PTGER4: variants seen among roughly 807,000 people sequenced by gnomAD.
PTGER4 encodes the protein prostaglandin E2 receptor EP4 subtype.
A neutral mutation model predicts 33.2 loss-of-function variants in PTGER4; 11 were observed. The ratio of observed to expected loss-of-function variants is 0.33; its 90% CI spans 0.21 to 0.55. The LOEUF is 0.55. Ranked by LOEUF, PTGER4 falls within the 20% of genes least tolerant of loss-of-function variation. The pLI is 0.92. For missense variants in PTGER4, 481 were observed against 650.2 expected (o/e 0.74, Z 2.83); for synonymous variants, 275 against 281.5 (o/e 0.98, Z 0.23).
At chr5:40,687,882 G>C (rs1741367809) in intron 2 of PTGER4, among the ~76,000 whole-genome samples, 1 of 152,132 alleles carries the variant, frequency 6.6e-6, no homozygotes, top group Non-Finnish European at 1.5e-5. Context: ...CTTTAAAATA[G>C]AGCATACTTT....
At chr5:40,698,797 G>T in the PTGER4 span, among the ~76,000 whole-genome samples, 1 of 152,102 alleles carries the variant, frequency 6.6e-6, no homozygotes, top group Non-Finnish European at 1.5e-5. Context: ...TATATAAACG[G>T]CCTTTACTCT....
the PTGER4 span, among the ~76,000 whole-genome samples, chr5:40,707,736 C>T: frequency 6.6e-6 from 1 of 152,210 alleles, no homozygotes; most frequent in South Asian, 2.1e-4. Flanking sequence ...ACATTATTCT[C>T]AGCACCACAC....
chr5:40,711,578 G>GT, the PTGER4 span, among the ~76,000 whole-genome samples: 2 of 152,010 alleles, frequency 1.3e-5, no homozygotes, highest in Non-Finnish European at 2.9e-5. Context: ...ACATAGAATT[G>GT]TGATTTATAT....
the PTGER4 span, chr5:40,714,395 T>G: frequency 1.3e-5 from 2 of 152,168 alleles, no homozygotes; most frequent in Non-Finnish European, 2.9e-5. Flanking sequence ...ATATATTAAG[T>G]TCATATAAGA....
the PTGER4 span, among the ~76,000 whole-genome samples, chr5:40,732,119 C>T: frequency 6.6e-6 from 1 of 152,138 alleles, no homozygotes; most frequent in African/African-American, 2.4e-5. Context: ...TCAAGGGCCT[C>T]CCACCTCAGC....
At chr5:40,738,444 AAATACAATACAATAC>A in the PTGER4 span, among the ~76,000 whole-genome samples, 270 of 83,624 alleles carry the variant, frequency 3.2e-3, 1 homozygote, top group Middle Eastern at 6.1e-3. Flanking sequence ...ATATAAAATA[AAATACAATACAATAC>A]AATACAATAC....
the PTGER4 span, among the ~76,000 whole-genome samples, chr5:40,702,574 A>G: frequency 4.6e-5 from 7 of 152,222 alleles, no homozygotes; most frequent in South Asian, 6.2e-4. Flanking sequence ...GAGAGACTTC[A>G]ACACACCACT....
At chr5:40,720,447 A>T in the PTGER4 span, among the ~76,000 whole-genome samples, 1 of 152,198 alleles carries the variant, frequency 6.6e-6, no homozygotes, top group Non-Finnish European at 1.5e-5. Context: ...TTGATTACTA[A>T]TGCTTTCATA....
downstream of PTGER4, among the ~76,000 whole-genome samples, chr5:40,695,271 G>A (rs1032909569): frequency 5.9e-5 from 9 of 152,070 alleles, no homozygotes; most frequent in Admixed American, 1.3e-4. Flanking sequence ...TTGGCCAGGC[G>A]TGGTGGCTTA....
At chr5:40,702,277 A>T in the PTGER4 span, among the ~76,000 whole-genome samples, 1 of 152,178 alleles carries the variant, frequency 6.6e-6, no homozygotes, top group Admixed American at 6.5e-5. Context: ...TCTTCAAGAG[A>T]CCCATCTCAC....
the PTGER4 span, among the ~76,000 whole-genome samples, chr5:40,721,180 G>C: frequency 6.6e-6 from 1 of 152,214 alleles, no homozygotes; most frequent in Non-Finnish European, 1.5e-5. Flanking sequence ...CTGTAGTGGA[G>C]TACTGATGGA....
At chr5:40,698,596 A>G (rs974969983), downstream of PTGER4, among the ~76,000 whole-genome samples, 2 of 152,186 alleles carry the variant, frequency 1.3e-5, no homozygotes, top group African/African-American at 4.8e-5. Flanking sequence ...TGAAAAGTGA[A>G]CTAAAGTTCA....
downstream of PTGER4, among the ~76,000 whole-genome samples, chr5:40,694,196 G>A (rs45502797): frequency 1.2e-4 from 18 of 152,134 alleles, no homozygotes; most frequent in Admixed American, 2.0e-4. Context: ...GATTACAGGC[G>A]TGTACCACCA....
At chr5:40,703,239 T>C in the PTGER4 span, among the ~76,000 whole-genome samples, 1 of 147,212 alleles carries the variant, frequency 6.8e-6, no homozygotes, top group Non-Finnish European at 1.5e-5. Context: ...AAAAAATTAA[T>C]AAAACAGGCC....
chr5:40,691,517 T>C lies in PTGER4; in HGVS notation c.868-262T>C, dbSNP rs1741471240. Among the ~76,000 whole-genome samples the C allele has an allele frequency of 6.6e-6, 1 of 152,122 alleles. No homozygotes were observed. On this transcript the variant is annotated intron_variant, in intron 2 of 2. Coordinates refer to ENST00000302472, the MANE Select transcript of PTGER4 (RefSeq NM_000958.3). This position sits in a 1 kb window ranked among gnomAD's most constrained non-coding sequence, Gnocchi z 4.2. Reference sequence around the variant, plus strand: ...TTTTAGTAGAGATGGGGTTTCGCCATGTTGGACAAGTTGGTCTCGGACTCC... The same window carrying C: ...TTTTAGTAGAGATGGGGTTTCGCCACGTTGGACAAGTTGGTCTCGGACTCC...
At chr5:40,735,009 C>G in the PTGER4 span, among the ~76,000 whole-genome samples, 4 of 152,180 alleles carry the variant, frequency 2.6e-5, no homozygotes, top group Non-Finnish European at 5.9e-5. Context: ...GGTCAGACAA[C>G]TGAAAATCTG....
At chr5:40,698,118 A>AC (rs1741655887), downstream of PTGER4, among the ~76,000 whole-genome samples, 2 of 69,250 alleles carry the variant, frequency 2.9e-5, no homozygotes, top group Admixed American at 2.0e-4. Flanking sequence ...AAAAAAAAAA[A>AC]ACCATGAAAA....
At chr5:40,743,074 T>C in the PTGER4 span, among the ~76,000 whole-genome samples, 1 of 152,120 alleles carries the variant, frequency 6.6e-6, no homozygotes, top group African/African-American at 2.4e-5. Context: ...ATAAACAAAA[T>C]ATTCTAAACA....
the PTGER4 span, among the ~76,000 whole-genome samples, chr5:40,743,372 G>A: frequency 6.6e-6 from 1 of 152,178 alleles, no homozygotes; most frequent in East Asian, 1.9e-4. Context: ...GTGAAAATAA[G>A]CACAGTTTAA....
Sources: allele counts gnomAD v4.1 joint callset (sites outside exome capture counted in the v4.1 genomes callset), GRCh38; gene constraint gnomAD v4.1.1; non-coding constraint Gnocchi (gnomAD v3.1); transcripts MANE v1.5; gene names NCBI Gene and HGNC (gene_info 2026-07-23, HGNC 2026-07-21).